CCSER1: variants seen among roughly 807,000 people sequenced by gnomAD.
CCSER1 encodes serine-rich coiled-coil domain-containing protein 1.
Under a neutral mutation model 82.0 loss-of-function variants are expected in CCSER1, and 41 were observed. The ratio of observed to expected loss-of-function variants is 0.50; its 90% CI spans 0.39 to 0.65. The LOEUF is 0.65. Among genes scored for constraint, CCSER1 ranks in the 30% least tolerant of loss-of-function variants. The pLI, the probability that CCSER1 is intolerant of heterozygous loss-of-function variation, is 0.00. For synonymous variants in CCSER1, 414 were observed against 383.9 expected (o/e 1.08, Z -0.92); for missense variants, 1,119 against 1,064.2 (o/e 1.05, Z -0.72).
intron 9 of CCSER1, among the ~76,000 whole-genome samples, chr4:91,076,846 G>A (rs906323403): frequency 5.3e-5 from 8 of 152,256 alleles, no homozygotes; most frequent in Admixed American, 4.6e-4. Context: ...TGGAGGAACA[G>A]CCTAAACATA....
intron 10 of CCSER1, among the ~76,000 whole-genome samples, chr4:91,409,005 G>A (rs1228227667): frequency 6.6e-6 from 1 of 151,952 alleles, no homozygotes; most frequent in African/African-American, 2.4e-5. Flanking sequence ...TTGCTGTGGG[G>A]GAAAACAATT....
At chr4:90,841,360 C>A (rs926088302) in intron 8 of CCSER1, among the ~76,000 whole-genome samples, 1 of 151,864 alleles carries the variant, frequency 6.6e-6, no homozygotes, top group Admixed American at 6.6e-5. Context: ...GGGTAGATCA[C>A]GAGGTGAGGA....
intron 8 of CCSER1, among the ~76,000 whole-genome samples, chr4:90,878,299 C>A (rs1421023690): frequency 1.3e-5 from 2 of 152,120 alleles, no homozygotes; most frequent in African/African-American, 4.8e-5. Flanking sequence ...ATCCGCAATG[C>A]CTTGAAGTCC....
chr4:90,186,467 T>A (rs1381906452), intron 1 of CCSER1, among the ~76,000 whole-genome samples: 1 of 151,946 alleles, frequency 6.6e-6, no homozygotes, highest in Non-Finnish European at 1.5e-5. Flanking sequence ...GTCTGAAGCC[T>A]TAAAGAGAGA....
intron 1 of CCSER1, among the ~76,000 whole-genome samples, chr4:90,188,453 C>T: frequency 6.6e-6 from 1 of 151,602 alleles, no homozygotes; most frequent in Non-Finnish European, 1.5e-5. Context: ...TGCAGAGCCA[C>T]TACTTAGAAG....
At chr4:90,929,532 A>G (rs546093083) in intron 9 of CCSER1, among the ~76,000 whole-genome samples, 1 of 152,324 alleles carries the variant, frequency 6.6e-6, no homozygotes, top group South Asian at 2.1e-4. Flanking sequence ...ATCTTTGCTT[A>G]GGAGCCAGAT....
intron 4 of CCSER1, among the ~76,000 whole-genome samples, chr4:90,451,563 AGAACCCAGCTG>A (rs1245985905): frequency 3.3e-5 from 5 of 152,236 alleles, no homozygotes; most frequent in African/African-American, 7.2e-5. Context: ...AGGATTTTTA[AGAACCCAGCTG>A]GAACCCAGCT....
chr4:90,273,716 TGAA>T (rs1399136589), intron 1 of CCSER1, among the ~76,000 whole-genome samples: 2 of 152,138 alleles, frequency 1.3e-5, no homozygotes, highest in African/African-American at 4.8e-5. Context: ...TCAAAACCTG[TGAA>T]GAATTCTCCC....
At chr4:91,058,640 T>C (rs1743664363) in intron 9 of CCSER1, among the ~76,000 whole-genome samples, 1 of 152,122 alleles carries the variant, frequency 6.6e-6, no homozygotes. Flanking sequence ...TATTACTCAT[T>C]CTCTGGTCTT....
intron 9 of CCSER1, among the ~76,000 whole-genome samples, chr4:90,926,159 G>T (rs541715210): frequency 6.6e-6 from 1 of 151,522 alleles, no homozygotes; most frequent in East Asian, 1.9e-4. Context: ...ATAGTATTTT[G>T]TTCTGTTTCA....
chr4:90,785,763 C>T (rs748620175), intron 7 of CCSER1, among the ~76,000 whole-genome samples: 133 of 151,930 alleles, frequency 8.8e-4, no homozygotes, highest in Admixed American at 1.6e-3. Flanking sequence ...GTAGATTTTA[C>T]AGTAACATCT....
rs543119922 is a variant in CCSER1, at chr4:91,431,019, G to T, written c.2218-167553G>T. Among the ~76,000 whole-genome samples the T allele has an allele frequency of 4.5e-4, 69 of 152,296 alleles. 2 individuals are homozygous for T. In the Middle Eastern group the frequency reaches 0.014, roughly 30 times the overall value. ...TGGGAGGCGGAGGTGGGCGGATAAC[G>T]AGGTCAGGAGTTCAAGACCATCCTG... On this transcript the variant is annotated intron_variant, in intron 10 of 10. Transcript: ENST00000509176.
chr4:90,139,955 A>T (rs186394013), intron 1 of CCSER1, among the ~76,000 whole-genome samples: 66 of 152,204 alleles, frequency 4.3e-4, no homozygotes, highest in Non-Finnish European at 6.6e-4. Context: ...GTGAGACTCC[A>T]TCTCAAAAGT....
chr4:91,023,848 C>G (rs1254500067), intron 9 of CCSER1, among the ~76,000 whole-genome samples: 1 of 152,124 alleles, frequency 6.6e-6, no homozygotes, highest in African/African-American at 2.4e-5. Flanking sequence ...GAGTGTGACC[C>G]ACAAAATGTT....
intron 8 of CCSER1, among the ~76,000 whole-genome samples, chr4:90,833,092 A>G (rs1485407799): frequency 1.3e-5 from 2 of 152,194 alleles, no homozygotes; most frequent in African/African-American, 2.4e-5. Context: ...TAATTTATAA[A>G]TAATAGAAAT....
intron 10 of CCSER1, among the ~76,000 whole-genome samples, chr4:91,579,758 G>A (rs572242862): frequency 1.3e-5 from 2 of 151,982 alleles, no homozygotes; most frequent in African/African-American, 4.8e-5. Flanking sequence ...AATGTAGCAT[G>A]AATAGGGGAT....
intron 8 of CCSER1, among the ~76,000 whole-genome samples, chr4:90,834,520 T>G (rs527436723): frequency 1.3e-5 from 2 of 152,294 alleles, no homozygotes; most frequent in South Asian, 4.1e-4. Context: ...TGAACAGTTT[T>G]CAGGTGTTTA....
chr4:91,027,119 C>T (rs1581371341), intron 9 of CCSER1, among the ~76,000 whole-genome samples: 1 of 151,926 alleles, frequency 6.6e-6, no homozygotes, highest in East Asian at 1.9e-4. Flanking sequence ...TCAAAGAGGG[C>T]TGCCAGGTAA....
intron 10 of CCSER1, among the ~76,000 whole-genome samples, chr4:91,141,984 C>T (rs964288260): frequency 5.3e-5 from 8 of 151,982 alleles, no homozygotes; most frequent in African/African-American, 1.9e-4. Flanking sequence ...ATTTAAGTTC[C>T]TTATAGATTC....
Sources: allele counts gnomAD v4.1 joint callset (sites outside exome capture counted in the v4.1 genomes callset), GRCh38; gene constraint gnomAD v4.1.1; transcripts MANE v1.5; gene names NCBI Gene and HGNC (gene_info 2026-07-23, HGNC 2026-07-21).